The following ZPBP variants were observed in gnomAD, a reference collection of about 807,000 sequenced individuals.
ZPBP encodes the protein zona pellucida binding protein, also known as zona pellucida-binding protein 1.
ZPBP carries 26 observed loss-of-function variants against 44.8 expected under a neutral mutation model. The observed-to-expected ratio is 0.58, with a 90% CI of 0.43 to 0.81. The LOEUF (loss-of-function observed/expected upper bound fraction) is 0.81. Ranked by LOEUF, ZPBP falls within the 30% of genes least tolerant of loss-of-function variation. The pLI is 0.00. For missense variants in ZPBP, 409 were observed against 434.0 expected (o/e 0.94, Z 0.51); for synonymous variants, 174 against 153.2 (o/e 1.14, Z -1.00).
intron 1 of ZPBP, among the ~76,000 whole-genome samples, chr7:49,907,537 T>C (rs1777654349): frequency 6.6e-6 from 1 of 152,210 alleles, no homozygotes; most frequent in Admixed American, 6.5e-5. Flanking sequence ...GTAAAATATT[T>C]AAAGAGATTT....
intron 5 of ZPBP, among the ~76,000 whole-genome samples, chr7:50,023,627 C>T (rs894425902): frequency 3.3e-5 from 5 of 151,862 alleles, no homozygotes; most frequent in Non-Finnish European, 7.4e-5. Flanking sequence ...TACTAAAAGT[C>T]AATTAAACAC....
At chr7:49,943,497 A>G (rs1794973634) in intron 7 of ZPBP, 1 of 436,708 alleles carries the variant, frequency 2.3e-6, no homozygotes, top group Non-Finnish European at 4.5e-6. Context: ...TGAACCCAAC[A>G]CTCATCTGTT....
chr7:50,085,440 T>C (rs926892785), intron 2 of ZPBP, among the ~76,000 whole-genome samples: 2 of 152,110 alleles, frequency 1.3e-5, no homozygotes, highest in African/African-American at 4.8e-5. Flanking sequence ...CTGATTCCCA[T>C]GCCTCCTTCT....
chr7:49,875,959 G>T (rs1791397268), intron 2 of ZPBP, among the ~76,000 whole-genome samples: 1 of 152,166 alleles, frequency 6.6e-6, no homozygotes, highest in Non-Finnish European at 1.5e-5. Flanking sequence ...ATGAGTCGAA[G>T]AAATTGGTGT....
chr7:49,889,541 C>T (rs1792040962), intron 2 of ZPBP, among the ~76,000 whole-genome samples: 1 of 152,134 alleles, frequency 6.6e-6, no homozygotes, highest in South Asian at 2.1e-4. Context: ...GGGAGCTAGA[C>T]ACCAAGGCTG....
chr7:49,903,688 A>T (rs568666547), intron 1 of ZPBP, among the ~76,000 whole-genome samples: 84 of 152,186 alleles, frequency 5.5e-4, no homozygotes, highest in African/African-American at 2.0e-3. Flanking sequence ...AATAACATAG[A>T]CGTATATGCA....
chr7:49,977,022 A>G (rs1428485112), intron 7 of ZPBP, among the ~76,000 whole-genome samples: 1 of 151,946 alleles, frequency 6.6e-6, no homozygotes, highest in Non-Finnish European at 1.5e-5. Context: ...GAAGGGCGTG[A>G]ACCCAGGAGA....
At chr7:49,897,195 G>A (rs1458287376) in intron 2 of ZPBP, among the ~76,000 whole-genome samples, 4 of 151,986 alleles carry the variant, frequency 2.6e-5, no homozygotes, top group Admixed American at 2.0e-4. Flanking sequence ...GCGCCCGGCC[G>A]GATTGATAAT....
At chr7:49,863,580 C>T (rs1370246290) in intron 2 of ZPBP, among the ~76,000 whole-genome samples, 1 of 152,054 alleles carries the variant, frequency 6.6e-6, no homozygotes, top group Non-Finnish European at 1.5e-5. Context: ...TACAGGTGTG[C>T]ACCACCATGC....
chr7:49,949,140 T>C (rs1795223947), intron 7 of ZPBP, among the ~76,000 whole-genome samples: 1 of 152,126 alleles, frequency 6.6e-6, no homozygotes, highest in South Asian at 2.1e-4. Flanking sequence ...GTAAGGACAA[T>C]ACCAGAAGGT....
intron 6 of ZPBP, among the ~76,000 whole-genome samples, chr7:50,015,503 G>C (rs1798781258): frequency 6.6e-6 from 1 of 152,076 alleles, no homozygotes; most frequent in Non-Finnish European, 1.5e-5. Flanking sequence ...CCTTGGCAAA[G>C]ATTTCATGAT....
intron 7 of ZPBP, among the ~76,000 whole-genome samples, chr7:49,969,668 A>C (rs544160039): frequency 8.5e-4 from 130 of 152,160 alleles, no homozygotes; most frequent in Non-Finnish European, 1.5e-3. Flanking sequence ...ATCTCTCATA[A>C]ACACAGAAAA....
At chr7:50,057,920 C>T (rs1475910833) in intron 4 of ZPBP, 69 bp downstream of exon 4, 1 of 1,408,346 alleles carries the variant, frequency 7.1e-7, no homozygotes, top group Non-Finnish European at 9.8e-7. Flanking sequence ...TAAGACAAGC[C>T]TACTTAAACA....
At chr7:49,847,674 G>A (rs140877218), downstream of ZPBP, among the ~76,000 whole-genome samples, 1 of 152,322 alleles carries the variant, frequency 6.6e-6, no homozygotes, top group East Asian at 1.9e-4. Context: ...TAAAATATGA[G>A]CAAAAGCCCT....
intron 4 of ZPBP, among the ~76,000 whole-genome samples, chr7:50,055,316 T>C (rs558789405): frequency 6.0e-4 from 92 of 152,312 alleles, no homozygotes; most frequent in African/African-American, 2.0e-3. Flanking sequence ...AAACACCATG[T>C]AGCTATTACA....
chr7:50,057,532 T>C (rs894330598), intron 4 of ZPBP, among the ~76,000 whole-genome samples: 1 of 152,188 alleles, frequency 6.6e-6, no homozygotes, highest in Admixed American at 6.6e-5. Flanking sequence ...CCTCTTTCTG[T>C]AATTCTTACA....
At chr7:50,058,703 G>C (rs1319825596) in intron 3 of ZPBP, among the ~76,000 whole-genome samples, 1 of 152,096 alleles carries the variant, frequency 6.6e-6, no homozygotes, top group Non-Finnish European at 1.5e-5. Flanking sequence ...TTGGATATGA[G>C]ATCACCTGAC....
At chr7:49,931,512 G>A (rs13221141) in intron 1 of ZPBP, among the ~76,000 whole-genome samples, 24,750 of 152,118 alleles carry the variant, frequency 0.16, 2,339 homozygotes, top group African/African-American at 0.25. Context: ...ATTTTGCCCT[G>A]CCCTAGAGAT....
At chr7:50,039,107 G>A (rs978453961) in intron 4 of ZPBP, among the ~76,000 whole-genome samples, 1 of 152,136 alleles carries the variant, frequency 6.6e-6, no homozygotes, top group Non-Finnish European at 1.5e-5. Context: ...ACAGTGACCA[G>A]ATGTGGGATT....
Sources: gnomAD v4.1 joint callset for allele counts (sites outside exome capture counted in the v4.1 genomes callset) on GRCh38, gnomAD v4.1.1 for gene constraint, MANE v1.5 for transcripts, NCBI Gene and HGNC (gene_info 2026-07-23, HGNC 2026-07-21) for gene names.